Variants in EIF2D observed in about 807,000 individuals in gnomAD.
The protein encoded by EIF2D is eukaryotic translation initiation factor 2D.
A neutral mutation model predicts 77.4 loss-of-function variants in EIF2D; 56 were observed. The observed-to-expected ratio is 0.72, with a 90% confidence interval of 0.58 to 0.90. EIF2D has a LOEUF of 0.90. EIF2D is among the 40% of genes least tolerant of loss of function. EIF2D has a pLI of 0.00. For missense variants in EIF2D, 574 were observed against 706.5 expected (o/e 0.81, Z 2.13); for synonymous variants, 230 against 271.0 (o/e 0.85, Z 1.49).
intron 4 of EIF2D, 81 bp downstream of exon 4, chr1:206,608,155 T>C: frequency 7.4e-7 from 1 of 1,360,260 alleles, no homozygotes; most frequent in Non-Finnish European, 1.0e-6. Context: ...TTTGTTCATA[T>C]GCTTTATAAG....
chr1:206,596,535 A>G (rs76223078), intron 12 of EIF2D, among the ~76,000 whole-genome samples: 17,127 of 152,274 alleles, frequency 0.11, 1,213 homozygotes, highest in Non-Finnish European at 0.16. Context: ...TCCTGACAAT[A>G]AACTATTTTC....
intron 2 of EIF2D, among the ~76,000 whole-genome samples, chr1:206,610,847 C>T (rs1213550263): frequency 2.6e-5 from 4 of 152,144 alleles, no homozygotes; most frequent in African/African-American, 4.8e-5. Context: ...AAATTCCATC[C>T]TTTTCAAGAC....
At chr1:206,574,783 G>T (rs1668573711) in intron 4 of EIF2D, among the ~76,000 whole-genome samples, 1 of 151,852 alleles carries the variant, frequency 6.6e-6, no homozygotes, top group Admixed American at 6.6e-5. Flanking sequence ...CTGGGAGGGG[G>T]CCCTGCAGTA....
At chr1:206,610,804 G>A (rs887774779) in intron 2 of EIF2D, among the ~76,000 whole-genome samples, 8 of 152,294 alleles carry the variant, frequency 5.3e-5, no homozygotes, top group Admixed American at 4.6e-4. Context: ...CTGGGCAACA[G>A]AGCAAGACTC....
Position 206,584,306 on chromosome 1 carries a change from C to A in EIF2D, c.139-3144G>T. The stretch of plus-strand genomic sequence containing the variant: ...AACTCAAGGAGACAGGTGGGTGCTG[C>A]TGGGGCAATGGCCCCGAGTGGCAGA... On this transcript the variant is annotated intron_variant and NMD_transcript_variant, in intron 2 of 5. Coordinates refer to the EIF2D transcript ENST00000472709. The surrounding 1 kb of genome is among the most constrained non-coding windows in gnomAD (Gnocchi z 4.9). 1 of 1,386,696 alleles carries A rather than the reference C, an allele frequency of 7.2e-7. No homozygotes were observed. Among genetic ancestry groups the A allele is most frequent in the Non-Finnish European group, 9.8e-7 (1 of 1,016,782 alleles). 85.9% of individuals were successfully genotyped at this position (1,386,696 alleles called of 1,614,324 possible).
At chr1:206,571,270 A>G (rs1159546498), downstream of EIF2D, 1 of 131,106 alleles carries the variant, frequency 7.6e-6, no homozygotes, top group African/African-American at 2.8e-5. Context: ...TCCATTGTCT[A>G]TTTTTTCATC....
chr1:206,592,068 G>A lies in EIF2D; in HGVS notation c.1685-223C>T, dbSNP rs960034813. On this transcript the variant is annotated intron_variant, in intron 14 of 14. Coordinates refer to ENST00000271764, the MANE Select transcript of EIF2D (RefSeq NM_006893.3). This position sits in a 1 kb window ranked among gnomAD's most constrained non-coding sequence, Gnocchi z 4.7. ...TTTCAGGCATTTATAATTTTTTCAC[G>A]AGAGAGAATGTGTCTGTTCAGTCTG... is the stretch of plus-strand genomic sequence containing the variant. Among the ~76,000 whole-genome samples the A allele has an allele frequency of 5.3e-5, 8 of 152,174 alleles. No individual in the cohort carries two copies. Among genetic ancestry groups the A allele is most frequent in the South Asian group, 2.1e-4 (1 of 4,834 alleles).
chr1:206,578,207 CAGAG>C (rs2103561823), intron 4 of EIF2D, among the ~76,000 whole-genome samples: 1 of 135,670 alleles, frequency 7.4e-6, no homozygotes, highest in East Asian at 2.2e-4. Context: ...GACTGGGTGA[CAGAG>C]GGAGACATCT....
intron 2 of EIF2D, among the ~76,000 whole-genome samples, chr1:206,581,735 C>T (rs947978506): frequency 3.3e-5 from 5 of 152,066 alleles, no homozygotes; most frequent in African/African-American, 1.2e-4. Context: ...TGGAGCCACG[C>T]CAGCTCCTCT....
At chr1:206,597,054 G>A in intron 12 of EIF2D, 46 bp downstream of exon 12, 1 of 1,415,082 alleles carries the variant, frequency 7.1e-7, no homozygotes. Context: ...TCAACATTAA[G>A]GCGAGGGGAT....
chr1:206,612,049 T>G (rs78044000), intron 1 of EIF2D, among the ~76,000 whole-genome samples: 13,503 of 152,202 alleles, frequency 0.089, 695 homozygotes, highest in South Asian at 0.16. Context: ...GTCAGTAAAC[T>G]CTGACTTAAC....
Position 206,579,769 on chromosome 1 carries a change from T to C in EIF2D, c.*254+923A>G, listed in dbSNP as rs782815316. 5.9e-5 allele frequency among the ~76,000 whole-genome samples: 9 copies of C among 152,218 alleles called. No individual in the cohort carries two copies. Among genetic ancestry groups the C allele is most frequent in the Admixed American group, 2.6e-4 (4 of 15,280 alleles). ...CTAAAGATCCCCCAGATGATTGCAC[T>C]GTGCAGACAAGTTTAAGAACCACTG... On this transcript the variant is annotated intron_variant and NMD_transcript_variant, in intron 4 of 5. Coordinates refer to the EIF2D transcript ENST00000472709. The surrounding 1 kb of genome is among the most constrained non-coding windows in gnomAD (Gnocchi z 4.2).
At chr1:206,573,077 T>C (rs781806797) in intron 4 of EIF2D, among the ~76,000 whole-genome samples, 18 of 152,200 alleles carry the variant, frequency 1.2e-4, no homozygotes, top group Non-Finnish European at 2.9e-5. Flanking sequence ...TAGCTAACAT[T>C]TATGGAGTGC....
In EIF2D at chr1:206,584,099, C is replaced by A. The variant is rs7524447; in HGVS notation, c.139-2937G>T. 0.016 allele frequency among the ~76,000 whole-genome samples: 2,374 copies of A among 152,306 alleles called. 65 individuals carry two copies. The highest frequency in any genetic ancestry group is 0.055 in the African/African-American group (2,271 of 41,542). ...CCCTGCCTCTTACAATGGGCACTCACCAAAGGCAACTGGTTACAGGAGGTT... is the reference window on the plus strand; with the variant it reads ...CCCTGCCTCTTACAATGGGCACTCAACAAAGGCAACTGGTTACAGGAGGTT... On this transcript the variant is annotated intron_variant and NMD_transcript_variant, in intron 2 of 5. Transcript: ENST00000472709. This position sits in a 1 kb window ranked among gnomAD's most constrained non-coding sequence, Gnocchi z 4.9.
Position 206,579,834 on chromosome 1 carries a change from C to T in EIF2D, c.*254+858G>A, listed in dbSNP as rs1208738141. On this transcript the variant is annotated intron_variant and NMD_transcript_variant, in intron 4 of 5. Coordinates refer to the EIF2D transcript ENST00000472709. The surrounding 1 kb of genome is among the most constrained non-coding windows in gnomAD (Gnocchi z 4.2). ...CCATCTCTTGGGTGGAAAAAGGATC[C>T]GTGAGCCCTCGTGGCTGTGGCTGGC... Among the ~76,000 whole-genome samples, 13 of 152,274 alleles carry T rather than the reference C, an allele frequency of 8.5e-5. No homozygotes were observed. In the South Asian group the frequency reaches 1.9e-3, roughly 22 times the overall value.
At chr1:206,591,488 G>T (rs1669335800), downstream of EIF2D, among the ~76,000 whole-genome samples, 1 of 152,082 alleles carries the variant, frequency 6.6e-6, no homozygotes. Flanking sequence ...CTCTGAATGG[G>T]CTGGCCTGCC....
rs530274477 is a variant in EIF2D at position 206,577,672 on chromosome 1, C to T, written c.*254+3020G>A. On this transcript the variant is annotated intron_variant and NMD_transcript_variant, in intron 4 of 5. Coordinates refer to the EIF2D transcript ENST00000472709. ...GGGACACCATAGAGGACAAGACAGG[C>T]GTGGGTGCTTCTCTCACAGAACTCA... Among the ~76,000 whole-genome samples the T allele has an allele frequency of 9.2e-5, 14 of 152,296 alleles. No individual in the cohort carries two copies. In the South Asian group the frequency reaches 1.0e-3, roughly 11 times the overall value.
chr1:206,596,242 T>C (rs1358646305), intron 12 of EIF2D, among the ~76,000 whole-genome samples: 1 of 152,198 alleles, frequency 6.6e-6, no homozygotes, highest in Non-Finnish European at 1.5e-5. Flanking sequence ...TGACATGTTT[T>C]ATAGAGAACT....
At chr1:206,589,957 A>C (rs576204631), downstream of EIF2D, among the ~76,000 whole-genome samples, 1 of 152,334 alleles carries the variant, frequency 6.6e-6, no homozygotes, top group South Asian at 2.1e-4. Flanking sequence ...CCCCCAAGAA[A>C]TGTATCTTTC....
Sources: allele counts gnomAD v4.1 joint callset (sites outside exome capture counted in the v4.1 genomes callset), GRCh38; gene constraint gnomAD v4.1.1; non-coding constraint Gnocchi (gnomAD v3.1); transcripts MANE v1.5; gene names NCBI Gene and HGNC (gene_info 2026-07-23, HGNC 2026-07-21).